Variants in PLPPR5 observed in about 807,000 individuals in gnomAD.
The protein encoded by PLPPR5 is phospholipid phosphatase related 5.
PLPPR5 carries 16 observed loss-of-function variants against 33.9 expected under a neutral mutation model. That is an observed-to-expected ratio of 0.47 (90% CI 0.32 to 0.72). The LOEUF (loss-of-function observed/expected upper bound fraction) is 0.72. Ranked by LOEUF, PLPPR5 falls within the 30% of genes least tolerant of loss-of-function variation. The pLI is 0.03. For missense variants in PLPPR5, 301 were observed against 406.7 expected (o/e 0.74, Z 2.23); for synonymous variants, 163 against 150.3 (o/e 1.08, Z -0.62).
chr1:98,995,187 T>C (rs540170219), intron 1 of PLPPR5, among the ~76,000 whole-genome samples: 6 of 152,118 alleles, frequency 3.9e-5, no homozygotes, highest in African/African-American at 1.4e-4. Context: ...CACTCTATCA[T>C]AAAGACATAT....
At chr1:98,924,839 G>T (rs188673176) in intron 3 of PLPPR5, among the ~76,000 whole-genome samples, 6 of 152,304 alleles carry the variant, frequency 3.9e-5, no homozygotes, top group African/African-American at 1.4e-4. Context: ...GGAATAGCCT[G>T]GTATTTGGCT....
In PLPPR5 at chr1:98,891,285, A is replaced by G. The variant is rs1410748291; in HGVS notation, c.*1787T>C. 1 of 152,066 alleles carries G rather than the reference A, an allele frequency of 6.6e-6. No individual in the cohort carries two copies. Among genetic ancestry groups the G allele is most frequent in the Non-Finnish European group, 1.5e-5 (1 of 68,020 alleles). 9.4% of individuals were successfully genotyped at this position (152,066 alleles called of 1,614,324 possible). A position where few individuals can be genotyped will look rare whatever the true frequency, so the allele number is the denominator to read the frequency against. On this transcript the variant is annotated 3_prime_UTR_variant, in exon 6 of 6. Transcript: ENST00000263177. ...CTTCCACAGTGATAGAAATGGGCAA[A>G]TAACATCTATTTGGGGAGTAATGGA...
chr1:98,904,476 AT>A (rs1020341484), intron 5 of PLPPR5, among the ~76,000 whole-genome samples: 2 of 152,284 alleles, frequency 1.3e-5, no homozygotes, highest in Non-Finnish European at 2.9e-5. Flanking sequence ...TACTGGAAAT[AT>A]CCCATTTTCT....
chr1:98,974,530 G>C (rs991456646), intron 1 of PLPPR5, among the ~76,000 whole-genome samples: 5 of 151,966 alleles, frequency 3.3e-5, no homozygotes, highest in African/African-American at 1.2e-4. Flanking sequence ...TGGATCACAG[G>C]TCCTTCATCC....
intron 1 of PLPPR5, among the ~76,000 whole-genome samples, chr1:98,999,612 C>T (rs1293051556): frequency 2.0e-5 from 3 of 152,174 alleles, no homozygotes; most frequent in African/African-American, 7.2e-5. Flanking sequence ...CTACACCACA[C>T]CACGGGAATG....
chr1:98,894,567 A>T (rs1046395848), intron 5 of PLPPR5, among the ~76,000 whole-genome samples: 6 of 152,108 alleles, frequency 3.9e-5, no homozygotes, highest in Non-Finnish European at 8.8e-5. Flanking sequence ...AAAGATGTTA[A>T]GATAGAAATT....
At chr1:98,966,937 C>A (rs1651469985) in intron 1 of PLPPR5, among the ~76,000 whole-genome samples, 1 of 152,070 alleles carries the variant, frequency 6.6e-6, no homozygotes, top group Non-Finnish European at 1.5e-5. Context: ...CATTCTCGGG[C>A]CCCACCCCTA....
intron 1 of PLPPR5, among the ~76,000 whole-genome samples, chr1:98,960,681 GC>G: frequency 6.6e-6 from 1 of 152,276 alleles, no homozygotes; most frequent in East Asian, 1.9e-4. Flanking sequence ...GGTTGCATAG[GC>G]TGAGCTTTAT....
At chr1:98,950,444 G>T (rs1474669205) in intron 3 of PLPPR5, among the ~76,000 whole-genome samples, 1 of 152,122 alleles carries the variant, frequency 6.6e-6, no homozygotes, top group East Asian at 1.9e-4. Context: ...AGAACAGTAT[G>T]ATTTATAATT....
At chr1:98,971,564 G>C (rs1048644922) in intron 1 of PLPPR5, among the ~76,000 whole-genome samples, 3 of 151,876 alleles carry the variant, frequency 2.0e-5, no homozygotes, top group African/African-American at 7.3e-5. Flanking sequence ...ATCCTATCCA[G>C]CCCCTTCATC....
chr1:99,001,705 T>TATATATATAG (rs1553173330), intron 1 of PLPPR5, among the ~76,000 whole-genome samples: 101 of 129,136 alleles, frequency 7.8e-4, no homozygotes, highest in Middle Eastern at 4.3e-3. Flanking sequence ...TATATATATA[T>TATATATATAG]GAAGCTTTAT....
In PLPPR5 at chr1:98,958,412, C is replaced by CT. The variant is rs34276534; in HGVS notation, c.238-1672dup. Among the ~76,000 whole-genome samples, 493 of 151,402 alleles carry CT rather than the reference C, an allele frequency of 3.3e-3. 3 individuals are homozygous for CT. Among genetic ancestry groups the CT allele is most frequent in the African/African-American group, 0.01 (417 of 41,370 alleles). ...TTTCCTCTTTCTTTTTTTAACTATA[C>CT]TTTTTTTTCAAGTAAGCCAGGGTTC... is the stretch of plus-strand genomic sequence containing the variant. On this transcript the variant is annotated intron_variant, in intron 1 of 5. Transcript: ENST00000263177.
rs540960105 is a variant in PLPPR5, at chr1:99,004,162, C to A, written c.237+273G>T. 134 of 502,656 alleles carry A rather than the reference C, an allele frequency of 2.7e-4. 2 individuals are homozygous for A. Among genetic ancestry groups the A allele is most frequent in the African/African-American group, 2.5e-3 (127 of 51,166 alleles). The allele number at this position is 502,656 out of a possible 1,614,324, so 31.1% of individuals were successfully genotyped here. ...CAACCCGGATCCCCACTCCTCACCA[C>A]CTACGGCCCCTCTTCCCTTCCATCC... On this transcript the variant is annotated intron_variant, in intron 1 of 5. Coordinates refer to ENST00000263177, the MANE Select transcript of PLPPR5 (RefSeq NM_001037317.2).
At chr1:98,929,502 G>C (rs1649890748) in intron 3 of PLPPR5, among the ~76,000 whole-genome samples, 1 of 152,162 alleles carries the variant, frequency 6.6e-6, no homozygotes, top group Non-Finnish European at 1.5e-5. Flanking sequence ...TGTAGCTGAT[G>C]TCCTTGAATG....
chr1:98,921,735 T>C (rs1649560430), intron 4 of PLPPR5, 147 bp downstream of exon 4: 1 of 639,550 alleles, frequency 1.6e-6, no homozygotes, highest in Non-Finnish European at 2.5e-6. Context: ...AATGAATGAC[T>C]TAAATGATTT....
In PLPPR5 at chr1:98,922,054, T is replaced by C; in HGVS notation, c.626A>G (p.Tyr209Cys). ...SVYAAMYLTMYITNTIKAKGT... is the reference protein window; with the variant it reads ...SVYAAMYLTMCITNTIKAKGT... The stretch of plus-strand genomic sequence containing the variant: ...CTTGGCTTTGATTGTGTTGGTGATG[T>C]ACATCTGAAACATTCAATAAAAAAA... Residue 209 changes from tyrosine (Y) to cysteine (C), a missense_variant, in exon 4 of 6, where the codon TAC (tyrosine) becomes TGC (cysteine). Physicochemically the swap from Tyr to Cys is radical, Grantham distance 194 (BLOSUM62 -2). Coordinates refer to ENST00000263177, the MANE Select transcript of PLPPR5 (RefSeq NM_001037317.2). The C allele has an allele frequency of 6.3e-7, 1 of 1,599,756 alleles. No individual in the cohort carries two copies. The highest frequency in any genetic ancestry group is 8.5e-7 in the Non-Finnish European group (1 of 1,175,698).
intron 5 of PLPPR5, among the ~76,000 whole-genome samples, chr1:98,894,709 C>T (rs1178093126): frequency 6.6e-6 from 1 of 152,064 alleles, no homozygotes. Flanking sequence ...TCAGGGTTCC[C>T]ATTGTTGACC....
At position 98,928,569 on chromosome 1, in the gene PLPPR5, ATATG is replaced by A. The variant is rs1204714283; in HGVS notation, c.622-6515_622-6512del. On this transcript the variant is annotated intron_variant, in intron 3 of 5. Transcript: ENST00000263177. The stretch of plus-strand genomic sequence containing the variant: ...AAATCATATATATATATATATATAT[ATATG>A]GTTCACTTTCTATTTCTATTGAACA... 3.5e-5 allele frequency among the ~76,000 whole-genome samples: 5 copies of A among 142,772 alleles called. 1 individual carries two copies. The highest frequency in any genetic ancestry group is 7.7e-5 in the Non-Finnish European group (5 of 65,086). The allele number at this position is 142,772 out of a possible 152,430, so 93.7% of individuals were successfully genotyped here.
intron 1 of PLPPR5, among the ~76,000 whole-genome samples, chr1:98,959,313 C>A (rs1269184612): frequency 6.6e-6 from 1 of 152,192 alleles, no homozygotes; most frequent in Non-Finnish European, 1.5e-5. Flanking sequence ...CTCTTGCTTG[C>A]CTGCATCTCA....
Sources: gnomAD v4.1 joint callset for allele counts (sites outside exome capture counted in the v4.1 genomes callset) on GRCh38, gnomAD v4.1.1 for gene constraint, MANE v1.5 for transcripts, NCBI Gene and HGNC (gene_info 2026-07-23, HGNC 2026-07-21) for gene names.